OVCH1: variants seen among roughly 807,000 people sequenced by gnomAD.
OVCH1 encodes the protein ovochymase-1.
OVCH1 carries 139 observed loss-of-function variants against 138.4 expected under a neutral mutation model. That is an observed-to-expected ratio of 1.00 (90% CI 0.87 to 1.16). The LOEUF is 1.16. OVCH1 is among the 50% of genes most tolerant of loss of function. The pLI is 0.00. For missense variants in OVCH1, 1,367 were observed against 1,357.9 expected (o/e 1.01, Z -0.11); for synonymous variants, 453 against 467.8 (o/e 0.97, Z 0.41).
chr12:29,461,809 GATGGCAA>G, intron 19 of OVCH1, 38 bp downstream of exon 19: 1 of 1,610,456 alleles, frequency 6.2e-7, no homozygotes, highest in Non-Finnish European at 8.5e-7. Flanking sequence ...CTCTTCAGCA[GATGGCAA>G]TTTTCCACCT....
rs553546487 is a variant in OVCH1 at position 29,433,794 on chromosome 12, A to G, written c.3284T>C (p.Val1095Ala). The change falls in exon 27 of 28, where the codon GTT becomes GCT. Residue 1095 changes from valine (V) to alanine (A), a missense_variant. Val to Ala is a moderately conservative substitution (Grantham distance 64). Coordinates refer to ENST00000318184, the Ensembl canonical transcript of OVCH1. ...AAATTTCTTCTGTTTTCTTTTTCCAACACTTCTTACATTATCATACTAAAA... is the reference window on the plus strand; with the variant it reads ...AAATTTCTTCTGTTTTCTTTTTCCAGCACTTCTTACATTATCATACTAAAA... 2.3e-5 allele frequency: 33 copies of G among 1,417,824 alleles called. No homozygotes were observed. In the East Asian group the frequency reaches 4.3e-4, roughly 19 times the overall value. The allele number at this position is 1,417,824 out of a possible 1,614,324, so 87.8% of individuals were successfully genotyped here.
chr12:29,405,626 CT>C, the OVCH1 span, among the ~76,000 whole-genome samples: 1 of 152,196 alleles, frequency 6.6e-6, no homozygotes, highest in Non-Finnish European at 1.5e-5. Flanking sequence ...TCTACTTTAG[CT>C]TATACAACAG....
At chr12:29,435,430 G>T (rs1039098476) in intron 26 of OVCH1, among the ~76,000 whole-genome samples, 3 of 152,116 alleles carry the variant, frequency 2.0e-5, no homozygotes, top group Non-Finnish European at 4.4e-5. Flanking sequence ...GCAGTGGCGC[G>T]ATCTCGGCTC....
chr12:29,462,701 AAG>A (rs1942180365), intron 18 of OVCH1, among the ~76,000 whole-genome samples: 1 of 152,110 alleles, frequency 6.6e-6, no homozygotes, highest in Non-Finnish European at 1.5e-5. Context: ...AATATTTGTA[AAG>A]AGTTTTATTC....
intron 22 of OVCH1, among the ~76,000 whole-genome samples, chr12:29,448,848 T>C (rs1276703895): frequency 6.6e-6 from 1 of 152,070 alleles, no homozygotes; most frequent in African/African-American, 2.4e-5. Context: ...TCTATGCACT[T>C]CAGAATCAAG....
At chr12:29,471,131 G>T (rs972949476) in intron 16 of OVCH1, among the ~76,000 whole-genome samples, 1 of 152,076 alleles carries the variant, frequency 6.6e-6, no homozygotes, top group Admixed American at 6.6e-5. Context: ...GTCTCGAAAG[G>T]TGAGTATAAA....
intron 25 of OVCH1, among the ~76,000 whole-genome samples, chr12:29,441,037 A>G (rs1941471846): frequency 6.6e-6 from 1 of 152,166 alleles, no homozygotes; most frequent in Non-Finnish European, 1.5e-5. Flanking sequence ...GTTTCCTCTC[A>G]CAAATGAGGA....
chr12:29,427,943 G>C (rs141201483), intron 27 of OVCH1, among the ~76,000 whole-genome samples: 40 of 152,212 alleles, frequency 2.6e-4, no homozygotes, highest in Admixed American at 1.7e-3. Context: ...TGATTAATCT[G>C]AGCTTTTAAA....
intron 22 of OVCH1, among the ~76,000 whole-genome samples, chr12:29,447,201 A>G (rs977295258): frequency 6.6e-6 from 1 of 152,172 alleles, no homozygotes; most frequent in East Asian, 1.9e-4. Flanking sequence ...ACAGTAGCAC[A>G]TGCCAGGAAT....
At chr12:29,496,812 C>A (rs982825357) in intron 1 of OVCH1, 138 bp from the exon 2 acceptor site, 2 of 629,872 alleles carry the variant, frequency 3.2e-6, no homozygotes, top group East Asian at 5.6e-5. Context: ...ACATTCTTCT[C>A]TCAATATTTT....
rs1942984222 is a variant in OVCH1 at position 29,483,063 on chromosome 12, T to C, written c.995+3183A>G. On this transcript the variant is annotated intron_variant, in intron 8 of 27. Transcript: ENST00000318184. ...AACAAGTCTAACTCTGTTTCTTTAGTAGCCTCTAAGATAAATCAAGACACT... is the reference window on the plus strand; with the variant it reads ...AACAAGTCTAACTCTGTTTCTTTAGCAGCCTCTAAGATAAATCAAGACACT... Among the ~76,000 whole-genome samples the C allele has an allele frequency of 2.0e-5, 3 of 152,328 alleles. No homozygotes were observed. In the South Asian group the frequency reaches 6.2e-4, roughly 32 times the overall value.
chr12:29,468,255 A>G (rs1383588525), intron 16 of OVCH1, among the ~76,000 whole-genome samples: 1 of 152,186 alleles, frequency 6.6e-6, no homozygotes, highest in Non-Finnish European at 1.5e-5. Context: ...CTCTTGCTTG[A>G]TAACCTTCTC....
At chr12:29,454,320 C>T (rs560442542) in intron 21 of OVCH1, among the ~76,000 whole-genome samples, 15 of 152,242 alleles carry the variant, frequency 9.9e-5, no homozygotes, top group Non-Finnish European at 1.8e-4. Flanking sequence ...AAAGACTGAC[C>T]ATTTGGAAAC....
chr12:29,410,660 G>T (rs2135866413), downstream of OVCH1, among the ~76,000 whole-genome samples: 1 of 151,138 alleles, frequency 6.6e-6, no homozygotes, highest in East Asian at 2.0e-4. Context: ...CTGGCTTGTA[G>T]AGTTTCTGCC....
Position 29,476,120 on chromosome 12 carries a change from G to A in OVCH1, c.1471+86C>T, listed in dbSNP as rs994563667. On this transcript the variant is annotated intron_variant, in intron 13 of 27. Transcript: ENST00000318184. ...CAAGAAATTCACATTCCCACTCTAC[G>A]TTCTGGTACCCAAGGAAGCCAGCCC... 6 of 1,060,562 alleles carry A rather than the reference G, an allele frequency of 5.7e-6. No individual in the cohort carries two copies. The African/African-American group carries it at 6.3e-5, about 11-fold the overall frequency. 65.7% of individuals were successfully genotyped at this position (1,060,562 alleles called of 1,614,324 possible).
downstream of OVCH1, chr12:29,423,213 C>G (rs1941129077): frequency 2.2e-6 from 1 of 455,856 alleles, no homozygotes. Context: ...ACCTCTTTCT[C>G]TCAGACTCAT....
chr12:29,458,731 C>T (rs534246873), intron 19 of OVCH1, among the ~76,000 whole-genome samples: 35 of 152,260 alleles, frequency 2.3e-4, no homozygotes, highest in African/African-American at 7.9e-4. Flanking sequence ...TTTCTGCAAA[C>T]TACCCATCTG....
intron 18 of OVCH1, among the ~76,000 whole-genome samples, chr12:29,463,655 A>G (rs1673458977): frequency 6.6e-6 from 1 of 152,186 alleles, no homozygotes. Context: ...GGATCTCAGC[A>G]AGTTACTTAA....
chr12:29,437,560 T>C (rs904101124), intron 26 of OVCH1, among the ~76,000 whole-genome samples: 1 of 152,210 alleles, frequency 6.6e-6, no homozygotes, highest in African/African-American at 2.4e-5. Flanking sequence ...CTAGTAAATG[T>C]AGTTTGCTGT....
Sources: allele counts gnomAD v4.1 joint callset (sites outside exome capture counted in the v4.1 genomes callset), GRCh38; gene constraint gnomAD v4.1.1; transcripts MANE v1.5; gene names NCBI Gene and HGNC (gene_info 2026-07-23, HGNC 2026-07-21).